Variants in GRID2 observed in about 807,000 individuals in gnomAD.
GRID2 encodes the protein glutamate receptor ionotropic, delta-2.
GRID2 carries 33 observed loss-of-function variants against 114.8 expected under a neutral mutation model. The ratio of observed to expected loss-of-function variants is 0.29; its 90% CI spans 0.22 to 0.38. GRID2 has a LOEUF of 0.38. GRID2 is among the 10% of genes least tolerant of loss of function. The probability of loss-of-function intolerance (pLI) is 1.00; values close to 1 mark genes in which losing one functional copy is unlikely to be tolerated. For synonymous variants in GRID2, 505 were observed against 449.9 expected (o/e 1.12, Z -1.55); for missense variants, 1,184 against 1,257.7 (o/e 0.94, Z 0.89).
intron 14 of GRID2, among the ~76,000 whole-genome samples, chr4:93,691,498 CA>C (rs776633519): frequency 6.6e-6 from 1 of 152,006 alleles, no homozygotes; most frequent in Non-Finnish European, 1.5e-5. Flanking sequence ...GACCTGAGTT[CA>C]AATCTCAACT....
At chr4:92,846,039 T>G (rs1391944188) in intron 2 of GRID2, among the ~76,000 whole-genome samples, 1 of 152,158 alleles carries the variant, frequency 6.6e-6, no homozygotes, top group Non-Finnish European at 1.5e-5. Flanking sequence ...TATCTCTTCT[T>G]AAACTGTTAA....
At chr4:92,873,934 G>A (rs1165718959) in intron 2 of GRID2, among the ~76,000 whole-genome samples, 1 of 152,036 alleles carries the variant, frequency 6.6e-6, no homozygotes, top group Admixed American at 6.5e-5. Context: ...GGCTGGTCTC[G>A]AACACCTGAC....
chr4:92,371,880 C>T (rs957896516), intron 1 of GRID2, among the ~76,000 whole-genome samples: 1 of 152,256 alleles, frequency 6.6e-6, no homozygotes, highest in African/African-American at 2.4e-5. Context: ...CAAGATGCCA[C>T]TGAGAACATT....
intron 2 of GRID2, among the ~76,000 whole-genome samples, chr4:92,625,514 C>G (rs1730476024): frequency 2.0e-5 from 3 of 151,756 alleles, no homozygotes; most frequent in Admixed American, 1.3e-4. Flanking sequence ...TCGATTTATA[C>G]TATGAGATAG....
chr4:93,635,160 AC>A (rs1721298752), intron 14 of GRID2, among the ~76,000 whole-genome samples: 1 of 151,518 alleles, frequency 6.6e-6, no homozygotes, highest in Non-Finnish European at 1.5e-5. Flanking sequence ...AATACATCAG[AC>A]TTTTTTTTAA....
intron 1 of GRID2, among the ~76,000 whole-genome samples, chr4:92,409,781 A>T (rs561877536): frequency 6.6e-6 from 1 of 152,336 alleles, no homozygotes; most frequent in East Asian, 1.9e-4. Context: ...ACATCCCTGC[A>T]GAAATTCTGG....
intron 8 of GRID2, among the ~76,000 whole-genome samples, chr4:93,314,656 A>AT (rs1039530746): frequency 2.6e-5 from 4 of 151,230 alleles, no homozygotes; most frequent in Non-Finnish European, 4.4e-5. Context: ...CTCCTCCTTT[A>AT]TTTTTTCTTT....
At chr4:93,227,403 A>G (rs978182149) in intron 7 of GRID2, among the ~76,000 whole-genome samples, 10 of 151,760 alleles carry the variant, frequency 6.6e-5, no homozygotes. Flanking sequence ...AATTTTTTGT[A>G]TTTTTAGTAG....
intron 13 of GRID2, 63 bp from the exon 14 acceptor site, chr4:93,626,206 C>T (rs11726506): frequency 2.5e-6 from 2 of 808,004 alleles, no homozygotes; most frequent in Non-Finnish European, 4.2e-6. Context: ...TTCATCCTGT[C>T]TATGTAAATT....
At chr4:92,958,661 T>C (rs1455103556) in intron 2 of GRID2, among the ~76,000 whole-genome samples, 1 of 152,088 alleles carries the variant, frequency 6.6e-6, no homozygotes, top group Non-Finnish European at 1.5e-5. Flanking sequence ...CTGATTTTAG[T>C]ATTCAGGTAA....
chr4:92,664,732 G>A (rs936657242), intron 2 of GRID2, among the ~76,000 whole-genome samples: 2 of 151,038 alleles, frequency 1.3e-5, no homozygotes, highest in African/African-American at 2.4e-5. Context: ...GTACATGAAT[G>A]TTTACATATC....
At chr4:93,668,715 A>G (rs1240230979) in intron 14 of GRID2, among the ~76,000 whole-genome samples, 1 of 152,104 alleles carries the variant, frequency 6.6e-6, no homozygotes, top group Admixed American at 6.6e-5. Flanking sequence ...AGGATGGGCC[A>G]GGACAGGACT....
At chr4:93,517,835 T>G (rs1729879270) in intron 13 of GRID2, among the ~76,000 whole-genome samples, 1 of 151,058 alleles carries the variant, frequency 6.6e-6, no homozygotes, top group Non-Finnish European at 1.5e-5. Flanking sequence ...GTCTTTTAGG[T>G]CAACATTTCA....
chr4:92,566,926 C>T (rs2149187932), intron 1 of GRID2, among the ~76,000 whole-genome samples: 1 of 152,110 alleles, frequency 6.6e-6, no homozygotes, highest in East Asian at 1.9e-4. Flanking sequence ...ATCCCCGTTT[C>T]TGAAGAGCTG....
At chr4:92,564,170 G>A (rs1727228824) in intron 1 of GRID2, among the ~76,000 whole-genome samples, 1 of 151,972 alleles carries the variant, frequency 6.6e-6, no homozygotes, top group Non-Finnish European at 1.5e-5. Context: ...AATTATGTCT[G>A]TGGTATTTAA....
chr4:92,937,531 G>C (rs1050402198), intron 2 of GRID2, among the ~76,000 whole-genome samples: 1 of 146,126 alleles, frequency 6.8e-6, no homozygotes, highest in African/African-American at 2.4e-5. Flanking sequence ...ACTTCCAATT[G>C]ATCAGTATGT....
At chr4:92,849,918 G>A (rs1743642545) in intron 2 of GRID2, among the ~76,000 whole-genome samples, 1 of 151,540 alleles carries the variant, frequency 6.6e-6, no homozygotes, top group South Asian at 2.1e-4. Context: ...TTAATTGCAA[G>A]AAGTAATAAA....
At chr4:92,384,454 A>G (rs1579275016) in intron 1 of GRID2, among the ~76,000 whole-genome samples, 2 of 45,116 alleles carry the variant, frequency 4.4e-5, no homozygotes, top group East Asian at 3.1e-3. Context: ...ATATATATAT[A>G]TATATATATA....
intron 8 of GRID2, among the ~76,000 whole-genome samples, chr4:93,367,919 C>T (rs1762496343): frequency 6.6e-6 from 1 of 151,906 alleles, no homozygotes; most frequent in Non-Finnish European, 1.5e-5. Flanking sequence ...TAAATTAGAG[C>T]AGAAAATTTA....
Sources: gnomAD v4.1 joint callset for allele counts (sites outside exome capture counted in the v4.1 genomes callset) on GRCh38, gnomAD v4.1.1 for gene constraint, MANE v1.5 for transcripts, NCBI Gene and HGNC (gene_info 2026-07-23, HGNC 2026-07-21) for gene names.